Variants in ERBB4 observed in about 807,000 individuals in gnomAD.
ERBB4 encodes the protein receptor tyrosine-protein kinase erbB-4.
Under a neutral mutation model 158.0 loss-of-function variants are expected in ERBB4, and 42 were observed. That is an observed-to-expected ratio of 0.27 (90% CI 0.21 to 0.34). ERBB4 has a LOEUF of 0.34. ERBB4 is among the 10% of genes least tolerant of loss of function. The pLI is 1.00. For missense variants in ERBB4, 1,333 were observed against 1,624.1 expected, an observed-to-expected ratio of 0.82 and a Z score of 3.08; for synonymous variants, 583 against 558.7, an observed-to-expected ratio of 1.04 and a Z score of -0.61.
At chr2:211,398,836 C>T (rs987100176) in intron 25 of ERBB4, among the ~76,000 whole-genome samples, 2 of 151,902 alleles carry the variant, frequency 1.3e-5, no homozygotes, top group Non-Finnish European at 2.9e-5. Context: ...GGCTCAGAAA[C>T]AAAACAAAAC....
intron 3 of ERBB4, among the ~76,000 whole-genome samples, chr2:211,832,599 CGTGTGT>C (rs1264072210): frequency 2.0e-5 from 3 of 149,294 alleles, no homozygotes; most frequent in Middle Eastern, 3.6e-3. Context: ...TACACATAAA[CGTGTGT>C]GTGTATATAT....
intron 24 of ERBB4, 78 bp downstream of exon 24, chr2:211,421,929 C>G (rs1032809505): frequency 7.6e-5 from 67 of 876,476 alleles, no homozygotes; most frequent in Non-Finnish European, 1.2e-4. Context: ...TTCCACAGTT[C>G]CAAAGTCCTG....
intron 20 of ERBB4, among the ~76,000 whole-genome samples, chr2:211,469,606 G>C (rs1380329775): frequency 6.6e-6 from 1 of 152,152 alleles, no homozygotes; most frequent in African/African-American, 2.4e-5. Context: ...GTACATAAGA[G>C]TGGTTAAGAA....
intron 2 of ERBB4, among the ~76,000 whole-genome samples, chr2:212,076,181 C>A (rs1335684138): frequency 6.6e-6 from 1 of 151,708 alleles, no homozygotes; most frequent in Non-Finnish European, 1.5e-5. Flanking sequence ...ACTGTATTAA[C>A]CTAATTCAAA....
intron 1 of ERBB4, among the ~76,000 whole-genome samples, chr2:212,170,585 A>G (rs572518990): frequency 6.6e-6 from 1 of 152,234 alleles, no homozygotes; most frequent in African/African-American, 2.4e-5. Context: ...GGAGGAAAAA[A>G]TGGTTTAGCA....
intron 2 of ERBB4, among the ~76,000 whole-genome samples, chr2:212,060,163 C>T (rs896183805): frequency 6.6e-6 from 1 of 152,164 alleles, no homozygotes; most frequent in South Asian, 2.1e-4. Flanking sequence ...TGAACAGACA[C>T]TTCTCAAAAT....
chr2:211,807,189 A>C (rs1200069701), intron 3 of ERBB4, among the ~76,000 whole-genome samples: 1 of 152,142 alleles, frequency 6.6e-6, no homozygotes, highest in Non-Finnish European at 1.5e-5. Context: ...ACATGTGCAC[A>C]ACGTGCAGGT....
chr2:212,289,120 A>G (rs2106174343), intron 1 of ERBB4, among the ~76,000 whole-genome samples: 1 of 152,310 alleles, frequency 6.6e-6, no homozygotes, highest in South Asian at 2.1e-4. Flanking sequence ...CCGTGGCTAC[A>G]TAATTCGTCA....
chr2:211,968,255 C>A (rs540759462), intron 2 of ERBB4, among the ~76,000 whole-genome samples: 1 of 151,930 alleles, frequency 6.6e-6, no homozygotes, highest in Non-Finnish European at 1.5e-5. Context: ...ATAAAAACAC[C>A]CTCAAGTTTT....
chr2:212,032,379 C>T lies in ERBB4; in HGVS notation c.235-84763G>A, dbSNP rs897867100. Among the ~76,000 whole-genome samples the T allele has an allele frequency of 2.0e-5, 3 of 151,942 alleles. No individual in the cohort carries two copies. In the East Asian group the frequency reaches 5.8e-4, roughly 29 times the overall value. On this transcript the variant is annotated intron_variant, in intron 2 of 27. Coordinates refer to ENST00000342788, the MANE Select transcript of ERBB4 (RefSeq NM_005235.3). ...GGCTGATTAGCACAAATTAAATTGG[C>T]CACTAATAAACTCAAGATGTTATTA...
rs557483807 is a variant in ERBB4 at position 211,955,964 on chromosome 2, A to G, written c.235-8348T>C. On this transcript the variant is annotated intron_variant, in intron 2 of 27. Transcript: ENST00000342788. Reference sequence around the variant, plus strand: ...GGTAGATTCATTTACATAATAACACAAACTTTCAATTGTAAGTATACATAT... The same window carrying G: ...GGTAGATTCATTTACATAATAACACGAACTTTCAATTGTAAGTATACATAT... 3.3e-5 allele frequency among the ~76,000 whole-genome samples: 5 copies of G among 152,148 alleles called. No homozygotes were observed. The East Asian group carries it at 7.7e-4, about 23-fold the overall frequency.
At chr2:212,227,025 C>T (rs887745883) in intron 1 of ERBB4, among the ~76,000 whole-genome samples, 7 of 152,052 alleles carry the variant, frequency 4.6e-5, no homozygotes, top group East Asian at 1.9e-4. Context: ...GCTGGCAGAA[C>T]GCTTAAGATT....
chr2:211,827,172 C>T (rs920038564), intron 3 of ERBB4, among the ~76,000 whole-genome samples: 2 of 151,868 alleles, frequency 1.3e-5, no homozygotes, highest in African/African-American at 4.8e-5. Flanking sequence ...ATGCTCTATC[C>T]GAAAATGACT....
At chr2:212,061,405 A>G (rs565208059) in intron 2 of ERBB4, among the ~76,000 whole-genome samples, 47 of 125,446 alleles carry the variant, frequency 3.7e-4, no homozygotes, top group Non-Finnish European at 6.1e-4. Flanking sequence ...GTGAGCCGCG[A>G]TGGTTCCACT....
chr2:211,411,959 A>C (rs1190165232), intron 25 of ERBB4, among the ~76,000 whole-genome samples: 1 of 152,198 alleles, frequency 6.6e-6, no homozygotes, highest in Non-Finnish European at 1.5e-5. Context: ...TATTTTCCAA[A>C]AAATAAAAAA....
chr2:211,887,696 T>C (rs1455873879), intron 3 of ERBB4, among the ~76,000 whole-genome samples: 1 of 152,210 alleles, frequency 6.6e-6, no homozygotes, highest in Non-Finnish European at 1.5e-5. Context: ...AGTGTTGTTT[T>C]TCTGTTTAAT....
At chr2:211,809,082 A>T (rs527469752) in intron 3 of ERBB4, among the ~76,000 whole-genome samples, 1 of 152,314 alleles carries the variant, frequency 6.6e-6, no homozygotes, top group South Asian at 2.1e-4. Context: ...AACAGGGACA[A>T]TTTGACTTCC....
intron 2 of ERBB4, among the ~76,000 whole-genome samples, chr2:212,051,305 T>G (rs564465218): frequency 3.3e-5 from 5 of 152,282 alleles, no homozygotes; most frequent in East Asian, 3.9e-4. Context: ...AGTAATTCTT[T>G]TAAGTGCTTT....
chr2:211,624,957 G>A (rs1466488185), intron 17 of ERBB4, among the ~76,000 whole-genome samples: 1 of 151,668 alleles, frequency 6.6e-6, no homozygotes, highest in Non-Finnish European at 1.5e-5. Flanking sequence ...TGTGGCCAAA[G>A]TAGTAAAATT....
Sources: gnomAD v4.1 joint callset for allele counts (sites outside exome capture counted in the v4.1 genomes callset) on GRCh38, gnomAD v4.1.1 for gene constraint, MANE v1.5 for transcripts, NCBI Gene and HGNC (gene_info 2026-07-23, HGNC 2026-07-21) for gene names.